The following PKHD1 variants were observed in gnomAD, a reference collection of about 807,000 sequenced individuals.
The protein encoded by PKHD1 is PKHD1 ciliary IPT domain containing fibrocystin/polyductin, also known as fibrocystin.
PKHD1 carries 291 observed loss-of-function variants against 412.0 expected under a neutral mutation model. The ratio of observed to expected loss-of-function variants is 0.71; its 90% CI spans 0.64 to 0.78. The LOEUF (loss-of-function observed/expected upper bound fraction) is 0.78, where lower values mean the gene tolerates loss of function less well. Ranked by LOEUF, PKHD1 falls within the 30% of genes least tolerant of loss-of-function variation. PKHD1 has a pLI of 0.00. For missense variants in PKHD1, 4,825 were observed against 4,950.7 expected, an observed-to-expected ratio of 0.97 and a Z score of 0.76; for synonymous variants, 1,777 against 1,821.5, an observed-to-expected ratio of 0.98 and a Z score of 0.62.
intron 50 of PKHD1, among the ~76,000 whole-genome samples, chr6:51,845,435 T>TA (rs1416353345): frequency 6.6e-6 from 1 of 152,164 alleles, no homozygotes; most frequent in Non-Finnish European, 1.5e-5. Flanking sequence ...CCAATGACCA[T>TA]AAAAGATCCT....
intron 1 of PKHD1, among the ~76,000 whole-genome samples, chr6:52,085,595 G>T (rs1638735021): frequency 6.6e-6 from 1 of 152,162 alleles, no homozygotes; most frequent in Non-Finnish European, 1.5e-5. Flanking sequence ...CCATTCCAGT[G>T]CTCACCACCT....
intron 60 of PKHD1, among the ~76,000 whole-genome samples, chr6:51,741,921 T>A (rs1030787886): frequency 1.3e-5 from 2 of 152,184 alleles, no homozygotes; most frequent in African/African-American, 4.8e-5. Flanking sequence ...AGAAATGGGA[T>A]CCTCACCAAA....
intron 46 of PKHD1, among the ~76,000 whole-genome samples, chr6:51,871,172 T>A (rs547577809): frequency 1.3e-5 from 2 of 152,318 alleles, no homozygotes; most frequent in Non-Finnish European, 2.9e-5. Context: ...ATTCAACTCC[T>A]AGGTATTTAC....
At chr6:51,721,682 C>T in intron 60 of PKHD1, 1 of 1,244,148 alleles carries the variant, frequency 8.0e-7, no homozygotes, top group Non-Finnish European at 1.0e-6. Context: ...CTGGAACTTC[C>T]ATTCCCAAAG....
At chr6:51,641,422 G>A (rs557454978) in intron 63 of PKHD1, among the ~76,000 whole-genome samples, 41 of 152,320 alleles carry the variant, frequency 2.7e-4, no homozygotes, top group Admixed American at 1.0e-3. Context: ...TGGAGAAATA[G>A]TAATCCTTTT....
At chr6:51,815,818 A>G (rs1765367207) in intron 52 of PKHD1, among the ~76,000 whole-genome samples, 1 of 152,232 alleles carries the variant, frequency 6.6e-6, no homozygotes, top group Non-Finnish European at 1.5e-5. Flanking sequence ...CCAACTAAAT[A>G]AGAAAAAAAC....
chr6:52,084,940 C>G lies in PKHD1; in HGVS notation c.-7G>C, dbSNP rs921991646. On this transcript the variant is annotated 5_prime_UTR_variant, in exon 2 of 67. Transcript: ENST00000371117. The stretch of plus-strand genomic sequence containing the variant: ...AGATCAGCCAGGCAGTCATTCTGTC[C>G]ACTTAAATCAATACTCTTAAGATTG... 1 of 1,586,300 alleles carries G rather than the reference C, an allele frequency of 6.3e-7. No homozygotes were observed. Among genetic ancestry groups the G allele is most frequent in the Admixed American group, 1.7e-5 (1 of 59,990 alleles).
chr6:51,649,962 T>G (rs944998062), intron 61 of PKHD1, among the ~76,000 whole-genome samples: 3 of 152,194 alleles, frequency 2.0e-5, no homozygotes, highest in Admixed American at 2.0e-4. Flanking sequence ...TGTTCATATA[T>G]AAATTCATTG....
intron 46 of PKHD1, among the ~76,000 whole-genome samples, chr6:51,874,396 T>C (rs988518453): frequency 7.2e-5 from 11 of 152,208 alleles, no homozygotes; most frequent in Non-Finnish European, 1.6e-4. Context: ...CATGTCTTTC[T>C]TGTATATTTA....
chr6:51,835,307 T>C (rs1397180979), intron 51 of PKHD1, among the ~76,000 whole-genome samples: 1 of 152,154 alleles, frequency 6.6e-6, no homozygotes, highest in Non-Finnish European at 1.5e-5. Flanking sequence ...AACAGGTGTG[T>C]CCTCTACAGA....
intron 34 of PKHD1, among the ~76,000 whole-genome samples, chr6:52,015,684 C>T (rs1172325965): frequency 2.0e-5 from 3 of 151,812 alleles, no homozygotes; most frequent in South Asian, 2.1e-4. Flanking sequence ...ATTAGCCGGG[C>T]GTGGTGGTGA....
At chr6:52,065,162 TATATATAGAGAGAGAG>T (rs1809424284) in intron 12 of PKHD1, 112 bp from the exon 13 acceptor site, 1 of 65,564 alleles carries the variant, frequency 1.5e-5, no homozygotes, top group Non-Finnish European at 2.6e-5. Context: ...TATATATATA[TATATATAGAGAGAGAG>T]AGAGAGAGAG....
chr6:52,078,554 C>A (rs1018796049), intron 5 of PKHD1, among the ~76,000 whole-genome samples: 1 of 152,146 alleles, frequency 6.6e-6, no homozygotes, highest in Non-Finnish European at 1.5e-5. Flanking sequence ...AGAGACACGC[C>A]GTGTTTTATT....
chr6:51,659,352 G>A lies in PKHD1; in HGVS notation c.10774C>T (p.Gln3592Ter), dbSNP rs1454977903. 1 of 1,613,580 alleles carries A rather than the reference G, an allele frequency of 6.2e-7. No individual in the cohort carries two copies. Among genetic ancestry groups the A allele is most frequent in the African/African-American group, 1.3e-5 (1 of 74,840 alleles). The change falls in exon 61 of 67, where the codon CAA becomes TAA. Residue 3592 changes from glutamine (Q) to a stop codon, truncating the protein, a stop_gained. Transcript: ENST00000371117. LOFTEE classifies it high-confidence loss of function. ...ERLTNFLQIG[Q>*]NQIRFIHEMP... is the part of the protein sequence containing the mutation. ...TCGTGAATAAACCTGATTTGGTTTT[G>A]GCCAATCTGTAAGAAGTTAGTTAGT...
At chr6:51,740,079 G>A (rs1400436152) in intron 60 of PKHD1, 12 of 512,920 alleles carry the variant, frequency 2.3e-5, no homozygotes, top group African/African-American at 9.6e-5. Flanking sequence ...AAATCCTTTC[G>A]AGAATAAAAT....
At chr6:51,635,240 T>A (rs1292652435) in intron 64 of PKHD1, among the ~76,000 whole-genome samples, 3 of 151,980 alleles carry the variant, frequency 2.0e-5, no homozygotes, top group Non-Finnish European at 4.4e-5. Context: ...TAGGGGGAGA[T>A]TCTAAACTGA....
At chr6:51,758,306 C>G (rs950637971) in intron 55 of PKHD1, among the ~76,000 whole-genome samples, 1 of 152,084 alleles carries the variant, frequency 6.6e-6, no homozygotes, top group Non-Finnish European at 1.5e-5. Flanking sequence ...GCCCCTTCCA[C>G]GTCTATGTCC....
intron 60 of PKHD1, among the ~76,000 whole-genome samples, chr6:51,729,060 G>A (rs1782931849): frequency 6.6e-6 from 1 of 152,204 alleles, no homozygotes; most frequent in Non-Finnish European, 1.5e-5. Flanking sequence ...GTTTCCACAT[G>A]GGCAGTGCCC....
intron 53 of PKHD1, among the ~76,000 whole-genome samples, chr6:51,782,732 T>C (rs908459920): frequency 6.6e-6 from 1 of 152,148 alleles, no homozygotes; most frequent in African/African-American, 2.4e-5. Flanking sequence ...GGACATACTT[T>C]TTTAACTTTG....
Sources: gnomAD v4.1 joint callset for allele counts (sites outside exome capture counted in the v4.1 genomes callset) on GRCh38, gnomAD v4.1.1 for gene constraint, MANE v1.5 for transcripts, NCBI Gene and HGNC (gene_info 2026-07-23, HGNC 2026-07-21) for gene names.